The following RHBDL2 variants were observed in gnomAD, a reference collection of about 807,000 sequenced individuals.
RHBDL2 encodes the protein rhomboid-related protein 2.
In RHBDL2, 26 loss-of-function variants were observed where a neutral mutation model predicts 31.7. The ratio of observed to expected loss-of-function variants is 0.82; its 90% CI spans 0.60 to 1.14. The LOEUF (loss-of-function observed/expected upper bound fraction) is 1.14. Among genes scored for constraint, RHBDL2 ranks in the 50% most tolerant of loss-of-function variants. The probability of loss-of-function intolerance (pLI) is 0.00; values close to 1 mark genes in which losing one functional copy is unlikely to be tolerated. For missense variants in RHBDL2, 336 were observed against 364.4 expected (o/e 0.92, Z 0.63); for synonymous variants, 123 against 127.2 (o/e 0.97, Z 0.22).
intron 4 of RHBDL2, among the ~76,000 whole-genome samples, chr1:38,905,761 A>AG (rs1399898611): frequency 2.0e-5 from 3 of 149,692 alleles, no homozygotes; most frequent in Non-Finnish European, 4.4e-5. Flanking sequence ...AAAAAAAAAA[A>AG]AAAAAGGCCA....
intron 4 of RHBDL2, 61 bp downstream of exon 4, chr1:38,911,261 C>T: frequency 9.0e-7 from 1 of 1,112,126 alleles, no homozygotes; most frequent in Non-Finnish European, 1.4e-6. Flanking sequence ...GTGTGTATTT[C>T]ATTTGCTTTT....
At chr1:38,935,926 T>G (rs978339535) in intron 1 of RHBDL2, among the ~76,000 whole-genome samples, 1 of 149,862 alleles carries the variant, frequency 6.7e-6, no homozygotes, top group South Asian at 2.1e-4. Context: ...ATTTGGGTGT[T>G]TTTTGAGACA....
In RHBDL2 at chr1:38,912,898, ATATATATATATATGTGTGTGTGTG is replaced by A. The variant is rs1307958458; in HGVS notation, c.396-1488_396-1465del. ...TACCATATACCATATATATATATAT[ATATATATATATATGTGTGTGTGTG>A]TGTGTGTGTGTGTGTGTGTGTGTGT... is the stretch of plus-strand genomic sequence containing the variant. On this transcript the variant is annotated intron_variant, in intron 3 of 7. Transcript: ENST00000372990. Among the ~76,000 whole-genome samples, 35 of 84,246 alleles carry A rather than the reference ATATATATATATATGTGTGTGTGTG, an allele frequency of 4.2e-4. 1 individual carries two copies. Among genetic ancestry groups the A allele is most frequent in the Admixed American group, 9.9e-4 (8 of 8,102 alleles). The allele number at this position is 84,246 out of a possible 152,430, so 55.3% of individuals were successfully genotyped here.
intron 7 of RHBDL2, 28 bp from the exon 8 acceptor site, chr1:38,886,711 A>G: frequency 6.6e-7 from 1 of 1,508,662 alleles, no homozygotes; most frequent in Non-Finnish European, 9.0e-7. Context: ...GAAAATGGAA[A>G]TAAGTGAAGA....
chr1:38,912,910 A>ATATATATATATGTGTG (rs1399583863), intron 3 of RHBDL2, among the ~76,000 whole-genome samples: 11 of 41,364 alleles, frequency 2.7e-4, no homozygotes, highest in African/African-American at 8.3e-4. Flanking sequence ...ATATATATAT[A>ATATATATATATGTGTG]TGTGTGTGTG....
At chr1:38,931,756 T>C (rs1455436006) in intron 1 of RHBDL2, among the ~76,000 whole-genome samples, 2 of 152,052 alleles carry the variant, frequency 1.3e-5, no homozygotes, top group African/African-American at 4.8e-5. Flanking sequence ...TCCCTCTCTA[T>C]TCACTGGGGA....
Position 38,918,997 on chromosome 1 carries a change from G to A in RHBDL2, c.216C>T (p.Pro72=), listed in dbSNP as rs1311371238. 2.9e-5 allele frequency: 47 copies of A among 1,613,862 alleles called. No individual in the cohort carries two copies. Among genetic ancestry groups the A allele is most frequent in the Admixed American group, 1.7e-4 (10 of 59,970 alleles). ...CCAGGCTGATGGAGATGATGAACAC[G>A]GGAGGCGGGAAGCAGTTAGCTCTCT... The part of the protein sequence containing the change: ...YLERANCFPP[P]VFIISISLAE... The change falls in exon 2 of 8, where the codon CCC becomes CCT. Residue 72 remains proline, a synonymous_variant. Coordinates refer to ENST00000372990, the MANE Select transcript of RHBDL2 (RefSeq NM_017821.5).
At chr1:38,939,682 G>T (rs1331057406) in intron 1 of RHBDL2, among the ~76,000 whole-genome samples, 1 of 151,996 alleles carries the variant, frequency 6.6e-6, no homozygotes, top group Non-Finnish European at 1.5e-5. Context: ...TGAGACTACA[G>T]GTGCACACCA....
intron 4 of RHBDL2, among the ~76,000 whole-genome samples, chr1:38,901,508 GAGAAAGAAAACAAA>G (rs1430580220): frequency 2.0e-5 from 3 of 147,186 alleles, no homozygotes; most frequent in Admixed American, 1.4e-4. Context: ...AAGAAAAAAA[GAGAAAGAAAACAAA>G]AGAAAGAAAA....
intron 2 of RHBDL2, 67 bp from the exon 3 acceptor site, chr1:38,915,777 T>C: frequency 1.3e-6 from 2 of 1,503,440 alleles, no homozygotes; most frequent in Admixed American, 1.7e-5. Context: ...TCCAAGCCCG[T>C]GGGCAGTAAC....
intron 3 of RHBDL2, among the ~76,000 whole-genome samples, 176 bp from the exon 4 acceptor site, chr1:38,911,610 G>C (rs1349774660): frequency 5.9e-5 from 2 of 33,764 alleles, no homozygotes; most frequent in Non-Finnish European, 1.1e-4. Context: ...TTCTGTGTGT[G>C]TGTGTGTGTG....
At chr1:38,919,474 A>G in intron 1 of RHBDL2, 137 bp from the exon 2 acceptor site, 1 of 675,580 alleles carries the variant, frequency 1.5e-6, no homozygotes, top group Non-Finnish European at 2.2e-6. Flanking sequence ...ACCATGTATC[A>G]GCTGTAAGTT....
At chr1:38,912,902 ATATATATATGTGTG>A (rs1285212767) in intron 3 of RHBDL2, among the ~76,000 whole-genome samples, 20 of 36,412 alleles carry the variant, frequency 5.5e-4, no homozygotes, top group African/African-American at 9.2e-4. Flanking sequence ...ATATATATAT[ATATATATATGTGTG>A]TGTGTGTGTG....
At chr1:38,918,130 A>C (rs913433660) in intron 2 of RHBDL2, among the ~76,000 whole-genome samples, 2 of 152,170 alleles carry the variant, frequency 1.3e-5, no homozygotes, top group Non-Finnish European at 2.9e-5. Flanking sequence ...ATTTGAGCTA[A>C]TTCCTTAAAA....
intron 1 of RHBDL2, among the ~76,000 whole-genome samples, chr1:38,934,808 A>T (rs1161771731): frequency 2.0e-5 from 3 of 151,890 alleles, no homozygotes; most frequent in Non-Finnish European, 4.4e-5. Flanking sequence ...ATACAAAAAA[A>T]TTAGCTGGGT....
At chr1:38,920,890 C>A (rs1643305398) in intron 1 of RHBDL2, among the ~76,000 whole-genome samples, 1 of 151,608 alleles carries the variant, frequency 6.6e-6, no homozygotes, top group African/African-American at 2.4e-5. Flanking sequence ...GCTGGGATTA[C>A]AGGCATGAGC....
chr1:38,921,862 A>C (rs990108298), intron 1 of RHBDL2, among the ~76,000 whole-genome samples: 2 of 152,238 alleles, frequency 1.3e-5, no homozygotes, highest in African/African-American at 4.8e-5. Context: ...TTAACCACAA[A>C]TATTAAAGCA....
chr1:38,904,689 T>TA (rs1643038687), intron 4 of RHBDL2, among the ~76,000 whole-genome samples: 1 of 147,278 alleles, frequency 6.8e-6, no homozygotes, highest in Admixed American at 6.8e-5. Flanking sequence ...ACATATATAT[T>TA]TATATATATA....
intron 7 of RHBDL2, 49 bp from the exon 8 acceptor site, chr1:38,886,732 T>A (rs1275595331): frequency 7.1e-7 from 1 of 1,404,530 alleles, no homozygotes; most frequent in South Asian, 1.5e-5. Context: ...CAATGCTAAT[T>A]GTGTATTTCA....
Sources: allele counts gnomAD v4.1 joint callset (sites outside exome capture counted in the v4.1 genomes callset), GRCh38; gene constraint gnomAD v4.1.1; transcripts MANE v1.5; gene names NCBI Gene and HGNC (gene_info 2026-07-23, HGNC 2026-07-21).